GRM5: variants seen among roughly 807,000 people sequenced by gnomAD.
GRM5 encodes metabotropic glutamate receptor 5.
In GRM5, 19 loss-of-function variants were observed where a neutral mutation model predicts 83.1. That is an observed-to-expected ratio of 0.23 (90% CI 0.16 to 0.34). The LOEUF is 0.34. GRM5 is among the 10% of genes least tolerant of loss of function. The pLI is 1.00. For synonymous variants in GRM5, 675 were observed against 633.6 expected (o/e 1.07, Z -0.98); for missense variants, 1,160 against 1,588.3 (o/e 0.73, Z 4.58).
intron 3 of GRM5, among the ~76,000 whole-genome samples, chr11:88,655,811 A>C (rs1939754625): frequency 6.6e-6 from 1 of 152,070 alleles, no homozygotes; most frequent in Non-Finnish European, 1.5e-5. Context: ...TAACAGCACA[A>C]TATAAATCAT....
intron 8 of GRM5, among the ~76,000 whole-genome samples, chr11:88,555,183 G>T (rs12283602): frequency 0.045 from 6,836 of 152,150 alleles, 482 homozygotes; most frequent in African/African-American, 0.15. Flanking sequence ...CATATCACTG[G>T]TGTGAGCTTA....
chr11:88,982,515 A>G (rs1264568847), intron 2 of GRM5, among the ~76,000 whole-genome samples: 1 of 152,136 alleles, frequency 6.6e-6, no homozygotes, highest in East Asian at 1.9e-4. Context: ...TAATGTTTTG[A>G]TCAATTTAAT....
chr11:88,546,355 C>T (rs939360032), intron 8 of GRM5, among the ~76,000 whole-genome samples: 8 of 152,014 alleles, frequency 5.3e-5, no homozygotes, highest in Non-Finnish European at 1.2e-4. Context: ...ATTTTATCCT[C>T]AAAGCATAGA....
chr11:88,938,439 T>G (rs1299377758), intron 2 of GRM5, among the ~76,000 whole-genome samples: 1 of 151,572 alleles, frequency 6.6e-6, no homozygotes, highest in Non-Finnish European at 1.5e-5. Flanking sequence ...GAGCCTGACA[T>G]TCAACAAGAA....
chr11:88,943,975 T>C (rs1304988478), intron 2 of GRM5, among the ~76,000 whole-genome samples: 1 of 151,972 alleles, frequency 6.6e-6, no homozygotes, highest in Non-Finnish European at 1.5e-5. Flanking sequence ...AAGTTGTAAA[T>C]AGTAAACATG....
chr11:88,599,946 G>A (rs1270850051), intron 5 of GRM5, among the ~76,000 whole-genome samples: 3 of 152,168 alleles, frequency 2.0e-5, no homozygotes, highest in Non-Finnish European at 2.9e-5. Context: ...CCGGGAGACG[G>A]AGCTTGCAGT....
intron 3 of GRM5, among the ~76,000 whole-genome samples, chr11:88,755,546 G>GATGTTATTGCAATAACAATGT (rs1942378831): frequency 6.6e-6 from 1 of 152,102 alleles, no homozygotes; most frequent in Non-Finnish European, 1.5e-5. Flanking sequence ...TGCAATAACA[G>GATGTTATTGCAATAACAATGT]ATGTTAGCAT....
intron 2 of GRM5, among the ~76,000 whole-genome samples, chr11:88,868,375 T>A (rs956026761): frequency 5.3e-5 from 8 of 151,868 alleles, no homozygotes; most frequent in African/African-American, 1.9e-4. Context: ...AAGTCTTTTT[T>A]TTCTCATCTA....
At chr11:88,831,849 A>G (rs12292606) in intron 3 of GRM5, among the ~76,000 whole-genome samples, 3,878 of 152,196 alleles carry the variant, frequency 0.025, 172 homozygotes, top group African/African-American at 0.089. Context: ...TACCTGCCCA[A>G]TGCAAAGCTG....
chr11:88,977,760 C>A lies in GRM5; in HGVS notation c.661+69452G>T, dbSNP rs185132613. Among the ~76,000 whole-genome samples the A allele has an allele frequency of 1.0e-3, 159 of 152,268 alleles. 1 individual carries two copies. Among genetic ancestry groups the A allele is most frequent in the Middle Eastern group, 3.4e-3 (1 of 292 alleles). ...TGGATATTCAAGGAGAAGCCACTTGCTATAGAGGGAAAGACAGATGCAACA... is the reference window on the plus strand; with the variant it reads ...TGGATATTCAAGGAGAAGCCACTTGATATAGAGGGAAAGACAGATGCAACA... On this transcript the variant is annotated intron_variant, in intron 2 of 9. Transcript: ENST00000305447.
chr11:88,742,222 AATT>A (rs1480633352), intron 3 of GRM5, among the ~76,000 whole-genome samples: 4 of 151,940 alleles, frequency 2.6e-5, no homozygotes, highest in Admixed American at 2.6e-4. Context: ...GTGTAATAAT[AATT>A]ATTTACATTT....
At chr11:88,580,061 G>A (rs1205932016) in intron 7 of GRM5, among the ~76,000 whole-genome samples, 2 of 152,288 alleles carry the variant, frequency 1.3e-5, no homozygotes, top group South Asian at 2.1e-4. Flanking sequence ...TCAGTAGATT[G>A]ACTCCAAAGT....
At chr11:88,849,260 T>C (rs1353974640) in intron 3 of GRM5, among the ~76,000 whole-genome samples, 1 of 152,166 alleles carries the variant, frequency 6.6e-6, no homozygotes, top group African/African-American at 2.4e-5. Context: ...ATGTATATAC[T>C]TTTGGTTTTA....
chr11:88,653,579 T>C (rs542926715), intron 3 of GRM5, among the ~76,000 whole-genome samples, 176 bp from the exon 4 acceptor site: 6 of 152,090 alleles, frequency 3.9e-5, no homozygotes, highest in Non-Finnish European at 8.8e-5. Context: ...AAAAGTGCAA[T>C]AACACCATGG....
At chr11:89,041,215 C>T (rs540405769) in intron 2 of GRM5, among the ~76,000 whole-genome samples, 1 of 152,336 alleles carries the variant, frequency 6.6e-6, no homozygotes, top group East Asian at 1.9e-4. Flanking sequence ...TTTAGGTAAG[C>T]ATCTGATTAT....
At chr11:88,511,961 C>A in intron 9 of GRM5, 1 of 152,314 alleles carries the variant, frequency 6.6e-6, no homozygotes, top group Non-Finnish European at 1.5e-5. Flanking sequence ...TGGATTTATT[C>A]CACCAACTTT....
Position 88,508,470 on chromosome 11 carries a change from A to G in GRM5, c.*122T>C. ...GCACTACTGATCTCGTGTTTCCATT[A>G]AGGGGTGCCCTTGGCATCTTCCCCC... On this transcript the variant is annotated 3_prime_UTR_variant, in exon 10 of 10. Coordinates refer to ENST00000305447, the MANE Select transcript of GRM5 (RefSeq NM_001143831.3). This position sits in a 1 kb window ranked among gnomAD's most constrained non-coding sequence, Gnocchi z 4.2. 1 of 657,756 alleles carries G rather than the reference A, an allele frequency of 1.5e-6. No individual in the cohort carries two copies. The highest frequency in any genetic ancestry group is 2.5e-6 in the Non-Finnish European group (1 of 398,870). The allele number at this position is 657,756 out of a possible 1,614,324, so 40.7% of individuals were successfully genotyped here.
intron 2 of GRM5, among the ~76,000 whole-genome samples, chr11:88,912,353 A>T (rs1280165330): frequency 6.6e-6 from 1 of 151,570 alleles, no homozygotes; most frequent in Non-Finnish European, 1.5e-5. Flanking sequence ...ATTCTCTCAT[A>T]TTTCATGGAA....
At chr11:89,008,222 T>C (rs7127754) in intron 2 of GRM5, among the ~76,000 whole-genome samples, 89,575 of 151,946 alleles carry the variant, frequency 0.59, 26,499 homozygotes, top group South Asian at 0.72. Flanking sequence ...AGTGCTGACA[T>C]GTAAATTCAA....
Sources: allele counts gnomAD v4.1 joint callset (sites outside exome capture counted in the v4.1 genomes callset), GRCh38; gene constraint gnomAD v4.1.1; non-coding constraint Gnocchi (gnomAD v3.1); transcripts MANE v1.5; gene names NCBI Gene and HGNC (gene_info 2026-07-23, HGNC 2026-07-21).